The following MSRB3 variants were observed in gnomAD, a reference collection of about 807,000 sequenced individuals.
The protein encoded by MSRB3 is methionine sulfoxide reductase B3.
Under a neutral mutation model 21.0 loss-of-function variants are expected in MSRB3, and 13 were observed. The observed-to-expected ratio is 0.62, with a 90% CI of 0.40 to 0.98. The LOEUF is 0.98. Ranked by LOEUF, MSRB3 falls within the 50% of genes least tolerant of loss-of-function variation. MSRB3 has a pLI of 0.00. For missense variants in MSRB3, 199 were observed against 230.3 expected (o/e 0.86, Z 0.88); for synonymous variants, 87 against 88.6 (o/e 0.98, Z 0.10).
rs762479741 is a variant in MSRB3 at position 65,309,124 on chromosome 12, G to A, written c.76+469G>A. The stretch of plus-strand genomic sequence containing the variant: ...GTTACCAATTTATTGTAGTTAAAAA[G>A]AAAGAAAGTTCTACTTAACAATGGC... On this transcript the variant is annotated intron_variant, in intron 2 of 6. Transcript: ENST00000308259. The A allele has an allele frequency of 1.5e-4, 26 of 178,820 alleles. 1 individual carries two copies. Among genetic ancestry groups the A allele is most frequent in the Non-Finnish European group, 2.7e-4 (22 of 82,308 alleles). 11.1% of individuals were successfully genotyped at this position (178,820 alleles called of 1,614,324 possible). A position where few individuals can be genotyped will look rare whatever the true frequency, so the allele number is the denominator to read the frequency against.
intron 5 of MSRB3, among the ~76,000 whole-genome samples, chr12:65,407,123 G>T (rs1880456553): frequency 6.6e-6 from 1 of 152,172 alleles, no homozygotes; most frequent in Non-Finnish European, 1.5e-5. Context: ...TAGGCCAATG[G>T]AGCAGTGTAG....
At chr12:65,354,899 G>T (rs1877288183) in intron 4 of MSRB3, among the ~76,000 whole-genome samples, 1 of 151,710 alleles carries the variant, frequency 6.6e-6, no homozygotes, top group African/African-American at 2.4e-5. Context: ...TTTAAAATTG[G>T]AATTATCCCA....
intron 4 of MSRB3, among the ~76,000 whole-genome samples, chr12:65,366,926 G>C (rs1428696277): frequency 6.6e-6 from 1 of 152,154 alleles, no homozygotes; most frequent in East Asian, 1.9e-4. Context: ...GTTTCAGGTG[G>C]CCTGAGGGCT....
chr12:65,278,864 C>T lies in MSRB3; in HGVS notation c.-53C>T, dbSNP rs1178178037. 18 of 1,556,192 alleles carry T rather than the reference C, an allele frequency of 1.2e-5. No homozygotes were observed. The highest frequency in any genetic ancestry group is 1.6e-5 in the Non-Finnish European group (18 of 1,149,688). ...CCGCGGCTCTGGGAAGTGCGCAGTC[C>T]GGTAAGTTCGGGCTCCCCTCCCCTC... On this transcript the variant is annotated splice_region_variant and 5_prime_UTR_variant, in exon 1 of 7. Transcript: ENST00000308259.
chr12:65,297,589 A>C (rs972211957), intron 1 of MSRB3, among the ~76,000 whole-genome samples: 2 of 152,224 alleles, frequency 1.3e-5, no homozygotes, highest in Non-Finnish European at 2.9e-5. Context: ...TAAGTTCATG[A>C]AGCATATAGT....
At chr12:65,321,498 T>C (rs940148917) in intron 2 of MSRB3, among the ~76,000 whole-genome samples, 2 of 152,142 alleles carry the variant, frequency 1.3e-5, no homozygotes, top group Non-Finnish European at 2.9e-5. Flanking sequence ...CATCTTAGAC[T>C]GTATGTTAAT....
chr12:65,392,064 A>C (rs746716804), intron 5 of MSRB3, among the ~76,000 whole-genome samples: 2 of 152,226 alleles, frequency 1.3e-5, no homozygotes, highest in Non-Finnish European at 2.9e-5. Context: ...TTTGGTTACC[A>C]GGTCAAATTG....
chr12:65,398,185 C>G (rs1879918426), intron 5 of MSRB3, among the ~76,000 whole-genome samples: 1 of 152,196 alleles, frequency 6.6e-6, no homozygotes, highest in Admixed American at 6.5e-5. Context: ...AATTGCCACA[C>G]TGTCTTCCAC....
At position 65,382,098 on chromosome 12, in the gene MSRB3, C is replaced by T. The variant is rs1038456699; in HGVS notation, c.292+13072C>T. On this transcript the variant is annotated intron_variant, in intron 5 of 6. Coordinates refer to ENST00000308259, the MANE Select transcript of MSRB3 (RefSeq NM_001031679.3). Reference sequence around the variant, plus strand: ...CGCTAACAAATATCATCCCTTTCTTCACAAAATCTGTCTATATATTACCAT... The same window carrying T: ...CGCTAACAAATATCATCCCTTTCTTTACAAAATCTGTCTATATATTACCAT... 3.3e-5 allele frequency among the ~76,000 whole-genome samples: 5 copies of T among 151,986 alleles called. No individual in the cohort carries two copies. The South Asian group carries it at 1.0e-3, about 31-fold the overall frequency.
intron 1 of MSRB3, chr12:65,285,790 A>G (rs1156941029): frequency 2.0e-5 from 3 of 152,382 alleles, no homozygotes; most frequent in Non-Finnish European, 4.4e-5. Context: ...ACTGCACTCC[A>G]GACTGGGCAA....
chr12:65,296,397 G>A (rs1456635284), intron 1 of MSRB3, among the ~76,000 whole-genome samples: 1 of 152,180 alleles, frequency 6.6e-6, no homozygotes, highest in Admixed American at 6.5e-5. Flanking sequence ...AAAACTCACT[G>A]AGCATGCTGC....
At chr12:65,405,344 A>G (rs1052982417) in intron 5 of MSRB3, among the ~76,000 whole-genome samples, 1 of 152,006 alleles carries the variant, frequency 6.6e-6, no homozygotes, top group Non-Finnish European at 1.5e-5. Flanking sequence ...AAGTTTACAT[A>G]ATGTCCTCTA....
intron 1 of MSRB3, among the ~76,000 whole-genome samples, chr12:65,282,927 T>A (rs1317558791): frequency 6.6e-6 from 1 of 152,232 alleles, no homozygotes; most frequent in East Asian, 1.9e-4. Context: ...TTTTCCATTT[T>A]ATGTTATGAG....
At chr12:65,438,090 G>A (rs765966746) in intron 5 of MSRB3, among the ~76,000 whole-genome samples, 17 of 151,950 alleles carry the variant, frequency 1.1e-4, no homozygotes, top group Non-Finnish European at 2.4e-4. Flanking sequence ...TTCCTTTATT[G>A]TGTAAGGCAC....
intron 6 of MSRB3, among the ~76,000 whole-genome samples, chr12:65,455,797 C>T (rs1883062373): frequency 6.6e-6 from 1 of 152,126 alleles, no homozygotes; most frequent in African/African-American, 2.4e-5. Flanking sequence ...AGTGTGGTGG[C>T]ATGATCTTGG....
chr12:65,418,742 T>G, intron 5 of MSRB3: 2 of 913,894 alleles, frequency 2.2e-6, no homozygotes, highest in Non-Finnish European at 3.6e-6. Flanking sequence ...AGAACTTTGG[T>G]GTCATTGATC....
intron 5 of MSRB3, among the ~76,000 whole-genome samples, chr12:65,435,339 C>A (rs1050999462): frequency 3.3e-5 from 5 of 151,722 alleles, no homozygotes; most frequent in African/African-American, 1.2e-4. Flanking sequence ...TTTGAGTTTA[C>A]TCTTTAGTAT....
At chr12:65,341,133 A>G (rs746931507) in intron 4 of MSRB3, among the ~76,000 whole-genome samples, 2 of 152,172 alleles carry the variant, frequency 1.3e-5, no homozygotes, top group East Asian at 1.9e-4. Flanking sequence ...ACTGTTCACA[A>G]TAGCCAAGAT....
intron 5 of MSRB3, among the ~76,000 whole-genome samples, chr12:65,438,594 C>G (rs1453201507): frequency 6.6e-6 from 1 of 151,796 alleles, no homozygotes; most frequent in South Asian, 2.1e-4. Flanking sequence ...CATCTGCAAT[C>G]CTGGAAAATA....
Sources: allele counts gnomAD v4.1 joint callset (sites outside exome capture counted in the v4.1 genomes callset), GRCh38; gene constraint gnomAD v4.1.1; transcripts MANE v1.5; gene names NCBI Gene and HGNC (gene_info 2026-07-23, HGNC 2026-07-21).